Variants in WAC observed in about 807,000 individuals in gnomAD.
WAC encodes the protein WW domain containing adaptor with coiled-coil.
In WAC, 11 loss-of-function variants were observed where a neutral mutation model predicts 79.6. The observed-to-expected ratio is 0.14, with a 90% CI of 0.09 to 0.23. The LOEUF (loss-of-function observed/expected upper bound fraction) is 0.23, where lower values mean the gene tolerates loss of function less well. Ranked by LOEUF, WAC falls within the 10% of genes least tolerant of loss-of-function variation. The probability of loss-of-function intolerance (pLI) is 1.00; values close to 1 mark genes in which losing one functional copy is unlikely to be tolerated. For missense variants in WAC, 728 were observed against 773.5 expected, an observed-to-expected ratio of 0.94 and a Z score of 0.70; for synonymous variants, 304 against 276.9, an observed-to-expected ratio of 1.10 and a Z score of -0.97.
chr10:28,614,390 GCCCTAGTTTGATAGGGAA>G, intron 10 of WAC, among the ~76,000 whole-genome samples, 159 bp from the exon 11 acceptor site: 1 of 152,208 alleles, frequency 6.6e-6, no homozygotes, highest in Non-Finnish European at 1.5e-5. Flanking sequence ...ACCGCGCCCA[GCCCTAGTTTGATAGGGAA>G]GTAATTTTAT....
intron 7 of WAC, among the ~76,000 whole-genome samples, chr10:28,601,388 C>G (rs1840640566): frequency 1.3e-5 from 2 of 152,098 alleles, no homozygotes; most frequent in Non-Finnish European, 2.9e-5. Context: ...ATTAGGATGA[C>G]TATTATAATT....
At chr10:28,588,928 A>G (rs1026613371) in intron 4 of WAC, 1 of 152,196 alleles carries the variant, frequency 6.6e-6, no homozygotes, top group Admixed American at 6.5e-5. Flanking sequence ...GCTCCTTTGA[A>G]AAAATAAGGA....
rs11371837 is a variant in WAC, at chr10:28,610,912, AT to A, written c.1288+102del. 5.4e-3 allele frequency: 5,961 copies of A among 1,104,318 alleles called. 2 individuals are homozygous for A. Among genetic ancestry groups the A allele is most frequent in the Non-Finnish European group, 5.8e-3 (4,842 of 839,872 alleles). 68.4% of individuals were successfully genotyped at this position (1,104,318 alleles called of 1,614,324 possible). ...TTTTTTGTATTTAGTTTTTTCTTTCATTTTTTTTTTTAGTTTTTTAAGAGAT... is the reference window on the plus strand; with the variant it reads ...TTTTTTGTATTTAGTTTTTTCTTTCATTTTTTTTTTAGTTTTTTAAGAGAT... On this transcript the variant is annotated intron_variant, in intron 9 of 13. Coordinates refer to ENST00000354911, the MANE Select transcript of WAC (RefSeq NM_016628.5).
intron 7 of WAC, among the ~76,000 whole-genome samples, chr10:28,607,370 C>T (rs983376442): frequency 6.6e-6 from 1 of 152,086 alleles, no homozygotes; most frequent in Non-Finnish European, 1.5e-5. Flanking sequence ...ATGGAATCTT[C>T]AGGATTTATG....
At position 28,611,798 on chromosome 10, in the gene WAC, T is replaced by C. The variant is rs1841253989; in HGVS notation, c.1313T>C (p.Met438Thr). 2 of 1,614,160 alleles carry C rather than the reference T, an allele frequency of 1.2e-6. No individual in the cohort carries two copies. The highest frequency in any genetic ancestry group is 1.1e-5 in the South Asian group (1 of 91,078). Residue 438 changes from methionine (M) to threonine (T), a missense_variant, in exon 10 of 14, where the codon ATG (methionine) becomes ACG (threonine). Physicochemically the swap from Met to Thr is moderately conservative, Grantham distance 81. Coordinates refer to ENST00000354911, the MANE Select transcript of WAC (RefSeq NM_016628.5). Reference protein sequence around the residue: ...TQAQPSNQSPMSLTSDASSPR... With the variant: ...TQAQPSNQSPTSLTSDASSPR... The stretch of plus-strand genomic sequence containing the variant: ...GCCCAGCCATCTAATCAGTCTCCGA[T>C]GTCTTTAACATCTGATGCGTCATCC...
intron 13 of WAC, among the ~76,000 whole-genome samples, chr10:28,619,140 G>A (rs1271068064): frequency 1.3e-5 from 2 of 152,158 alleles, no homozygotes; most frequent in Admixed American, 6.5e-5. Context: ...TTAGCCGGGC[G>A]TAAGGACAGG....
intron 3 of WAC, among the ~76,000 whole-genome samples, chr10:28,544,424 T>C (rs1443143762): frequency 6.6e-6 from 1 of 152,202 alleles, no homozygotes; most frequent in Non-Finnish European, 1.5e-5. Flanking sequence ...TGACCTAACA[T>C]GCTACTTAAT....
chr10:28,577,206 T>C (rs1839285787), intron 3 of WAC, among the ~76,000 whole-genome samples: 1 of 152,258 alleles, frequency 6.6e-6, no homozygotes, highest in Non-Finnish European at 1.5e-5. Context: ...AATGATATTA[T>C]TATAAACTAA....
At chr10:28,588,810 A>C (rs1839949448) in intron 4 of WAC, 2 of 152,168 alleles carry the variant, frequency 1.3e-5, no homozygotes, top group South Asian at 4.1e-4. Flanking sequence ...ATATTTTTAT[A>C]ATGTTCAAAA....
chr10:28,575,441 A>T (rs1839192662), intron 3 of WAC, among the ~76,000 whole-genome samples: 1 of 152,222 alleles, frequency 6.6e-6, no homozygotes, highest in African/African-American at 2.4e-5. Context: ...TTACTTTCAC[A>T]TTAGCAGTTT....
At chr10:28,602,619 G>A (rs1840697342) in intron 7 of WAC, among the ~76,000 whole-genome samples, 1 of 152,152 alleles carries the variant, frequency 6.6e-6, no homozygotes, top group Non-Finnish European at 1.5e-5. Context: ...ATGATTAGAA[G>A]TGCACTTATT....
chr10:28,619,510 G>T lies in WAC; in HGVS notation c.1875-27G>T, dbSNP rs139342658. The T allele has an allele frequency of 2.3e-3, 3,461 of 1,534,524 alleles. 77 individuals are homozygous for T. In the Admixed American group the frequency reaches 0.047, roughly 21 times the overall value. On this transcript the variant is annotated intron_variant, in intron 13 of 13. Transcript: ENST00000354911. ...CTGTAATATTTGTATATGTACACAG[G>T]TTCTAATGTCTGCTTTTTTTTTTCA...
At chr10:28,539,517 TTAAAG>T (rs758899932) in intron 3 of WAC, among the ~76,000 whole-genome samples, 22 of 152,212 alleles carry the variant, frequency 1.4e-4, no homozygotes, top group African/African-American at 3.9e-4. Context: ...ACAATCTTGT[TTAAAG>T]TAACCAAAAG....
At chr10:28,606,436 C>T (rs1840955940) in intron 7 of WAC, among the ~76,000 whole-genome samples, 1 of 152,196 alleles carries the variant, frequency 6.6e-6, no homozygotes, top group South Asian at 2.1e-4. Flanking sequence ...AATAGGCAGT[C>T]TGCTGGATTC....
intron 10 of WAC, among the ~76,000 whole-genome samples, chr10:28,613,858 A>G (rs867919975): frequency 1.3e-5 from 2 of 152,150 alleles, no homozygotes; most frequent in Non-Finnish European, 2.9e-5. Flanking sequence ...CTGATTGGCA[A>G]TCATGGACTT....
Position 28,577,936 on chromosome 10 carries a change from A to G in WAC, c.275-5463A>G, listed in dbSNP as rs552143949. On this transcript the variant is annotated intron_variant, in intron 3 of 13. Transcript: ENST00000354911. ...CACTTTGGGAGACCAAGGCAGGTGG[A>G]TGGATCACTTGAGGACAAGAGTTCG... Among the ~76,000 whole-genome samples the G allele has an allele frequency of 5.9e-5, 9 of 152,258 alleles. No individual in the cohort carries two copies. In the East Asian group the frequency reaches 1.7e-3, roughly 29 times the overall value.
intron 3 of WAC, among the ~76,000 whole-genome samples, chr10:28,555,352 G>A (rs1042334333): frequency 6.6e-6 from 1 of 152,198 alleles, no homozygotes; most frequent in African/African-American, 2.4e-5. Flanking sequence ...GAACATTGTA[G>A]TTCCTTGAGC....
At chr10:28,586,978 T>G (rs899989290) in intron 4 of WAC, among the ~76,000 whole-genome samples, 3 of 152,060 alleles carry the variant, frequency 2.0e-5, no homozygotes, top group African/African-American at 7.2e-5. Context: ...TTTTGAGTCT[T>G]GAGCCAGGCG....
At chr10:28,616,579 C>G (rs1841477193) in intron 12 of WAC, among the ~76,000 whole-genome samples, 1 of 152,224 alleles carries the variant, frequency 6.6e-6, no homozygotes, top group Non-Finnish European at 1.5e-5. Context: ...GTCAAGTACT[C>G]AGCAGTTAGC....
Sources: allele counts gnomAD v4.1 joint callset (sites outside exome capture counted in the v4.1 genomes callset), GRCh38; gene constraint gnomAD v4.1.1; transcripts MANE v1.5; gene names NCBI Gene and HGNC (gene_info 2026-07-23, HGNC 2026-07-21).